The following DPP6 variants were observed in gnomAD, a reference collection of about 807,000 sequenced individuals.
The protein encoded by DPP6 is dipeptidyl peptidase like 6, also known as A-type potassium channel modulatory protein DPP6.
In DPP6, 69 loss-of-function variants were observed where a neutral mutation model predicts 122.6. That is an observed-to-expected ratio of 0.56 (90% CI 0.46 to 0.69). The LOEUF is 0.69. Ranked by LOEUF, DPP6 falls within the 30% of genes least tolerant of loss-of-function variation. The pLI is 0.00. For missense variants in DPP6, 928 were observed against 1,116.9 expected (o/e 0.83, Z 2.41); for synonymous variants, 418 against 433.1 (o/e 0.97, Z 0.43).
intron 1 of DPP6, among the ~76,000 whole-genome samples, chr7:154,039,234 G>C (rs1053957302): frequency 3.5e-5 from 5 of 142,776 alleles, no homozygotes; most frequent in African/African-American, 1.4e-4. Context: ...GTGCCCGGTG[G>C]ATCTCTTGAT....
intron 17 of DPP6, among the ~76,000 whole-genome samples, chr7:154,861,936 C>T (rs775591563): frequency 6.6e-6 from 1 of 152,096 alleles, no homozygotes. Flanking sequence ...TCACTGAACG[C>T]CTGAGCTATA....
chr7:154,429,841 G>T (rs1297853422), intron 1 of DPP6, among the ~76,000 whole-genome samples: 2 of 152,162 alleles, frequency 1.3e-5, no homozygotes. Flanking sequence ...AGCAATGCAG[G>T]TCGCGCTCGT....
chr7:154,177,592 T>C (rs1797869709), intron 1 of DPP6, among the ~76,000 whole-genome samples: 1 of 152,192 alleles, frequency 6.6e-6, no homozygotes, highest in South Asian at 2.1e-4. Flanking sequence ...TTTGGGCTCA[T>C]TGGAATATGT....
intron 6 of DPP6, among the ~76,000 whole-genome samples, chr7:154,665,934 T>C (rs1838122416): frequency 6.6e-6 from 1 of 151,866 alleles, no homozygotes; most frequent in African/African-American, 2.4e-5. Flanking sequence ...ATGCACACAG[T>C]CTCAAAATTG....
intron 8 of DPP6, among the ~76,000 whole-genome samples, chr7:154,748,661 C>T (rs909962331): frequency 1.3e-5 from 2 of 152,304 alleles, no homozygotes; most frequent in Middle Eastern, 3.4e-3. Flanking sequence ...GAGTTTCTCG[C>T]GCATGGCGGT....
chr7:154,625,377 A>T (rs879770458), intron 5 of DPP6, among the ~76,000 whole-genome samples: 1 of 152,128 alleles, frequency 6.6e-6, no homozygotes, highest in African/African-American at 2.4e-5. Context: ...GGAAAGAAAG[A>T]TGCTGACTTG....
intron 1 of DPP6, among the ~76,000 whole-genome samples, chr7:154,437,008 A>AT (rs1339286119): frequency 6.6e-6 from 1 of 152,212 alleles, no homozygotes; most frequent in Non-Finnish European, 1.5e-5. Flanking sequence ...TTGCATGGCT[A>AT]TATGGCATTC....
intron 1 of DPP6, among the ~76,000 whole-genome samples, chr7:153,918,846 G>T (rs577718567): frequency 4.4e-4 from 67 of 151,978 alleles, no homozygotes; most frequent in Non-Finnish European, 7.2e-4. Flanking sequence ...GGGCATGGTG[G>T]TGCATGCCTG....
At chr7:154,524,892 A>G (rs541166079) in intron 3 of DPP6, among the ~76,000 whole-genome samples, 8 of 152,218 alleles carry the variant, frequency 5.3e-5, no homozygotes, top group Admixed American at 5.2e-4. Flanking sequence ...CTGGCCAGTA[A>G]GATATTTTAG....
At chr7:154,698,510 C>G (rs1010629529) in intron 7 of DPP6, among the ~76,000 whole-genome samples, 6 of 150,878 alleles carry the variant, frequency 4.0e-5, no homozygotes, top group Admixed American at 3.3e-4. Context: ...AGAGAACTTG[C>G]TAAGGCTATG....
chr7:154,144,434 T>G (rs1213554747), intron 1 of DPP6, among the ~76,000 whole-genome samples: 36 of 152,224 alleles, frequency 2.4e-4, no homozygotes. Context: ...ATTATAATTT[T>G]AGACCTGAAC....
At chr7:154,231,947 G>T (rs760804956) in intron 1 of DPP6, among the ~76,000 whole-genome samples, 2 of 152,206 alleles carry the variant, frequency 1.3e-5, no homozygotes, top group Admixed American at 6.5e-5. Context: ...TGTCCATGGT[G>T]CTGCTTCGCA....
intron 3 of DPP6, among the ~76,000 whole-genome samples, chr7:154,511,721 C>G: frequency 6.6e-6 from 1 of 152,120 alleles, no homozygotes; most frequent in East Asian, 1.9e-4. Flanking sequence ...CCTGGTAACA[C>G]CTAATTGTAA....
chr7:154,414,118 G>A (rs1816830069), intron 1 of DPP6, among the ~76,000 whole-genome samples: 1 of 152,096 alleles, frequency 6.6e-6, no homozygotes, highest in Non-Finnish European at 1.5e-5. Flanking sequence ...TTGCCAAAGG[G>A]CCATTCTAAA....
At chr7:153,805,047 C>T in the DPP6 span, among the ~76,000 whole-genome samples, 2 of 152,040 alleles carry the variant, frequency 1.3e-5, no homozygotes, top group African/African-American at 4.8e-5. Flanking sequence ...AATGCAGAAA[C>T]AAGTTTATTT....
the DPP6 span, among the ~76,000 whole-genome samples, chr7:153,748,321 T>G: frequency 6.6e-6 from 1 of 150,542 alleles, no homozygotes; most frequent in Non-Finnish European, 1.5e-5. Flanking sequence ...GCAGGAGCTG[T>G]AGGCAAGAGT....
chr7:154,637,940 C>A, intron 6 of DPP6, 67 bp downstream of exon 6: 2 of 1,513,420 alleles, frequency 1.3e-6, no homozygotes, highest in Non-Finnish European at 8.9e-7. Flanking sequence ...AGAACATGGA[C>A]GAGCTGTTTA....
At chr7:154,206,429 C>G (rs978195827) in intron 1 of DPP6, among the ~76,000 whole-genome samples, 1 of 152,302 alleles carries the variant, frequency 6.6e-6, no homozygotes, top group South Asian at 2.1e-4. Flanking sequence ...GCCTTAAATT[C>G]CTGTCCTTGA....
At chr7:154,576,866 G>C (rs1831715970) in intron 5 of DPP6, among the ~76,000 whole-genome samples, 1 of 152,148 alleles carries the variant, frequency 6.6e-6, no homozygotes, top group Admixed American at 6.5e-5. Context: ...ATTGCCACAG[G>C]CCTCAGAAAC....
Sources: gnomAD v4.1 joint callset for allele counts (sites outside exome capture counted in the v4.1 genomes callset) on GRCh38, gnomAD v4.1.1 for gene constraint, MANE v1.5 for transcripts, NCBI Gene and HGNC (gene_info 2026-07-23, HGNC 2026-07-21) for gene names.